The following ACBD5 variants were observed in gnomAD, a reference collection of about 807,000 sequenced individuals.
ACBD5 encodes the protein acyl-CoA binding domain containing 5.
A neutral mutation model predicts 71.8 loss-of-function variants in ACBD5; 40 were observed. That is an observed-to-expected ratio of 0.56 (90% CI 0.43 to 0.72). The LOEUF is 0.72. ACBD5 is among the 30% of genes least tolerant of loss of function. ACBD5 has a pLI of 0.00. For missense variants in ACBD5, 559 were observed against 644.5 expected, an observed-to-expected ratio of 0.87 and a Z score of 1.44; for synonymous variants, 229 against 218.6, an observed-to-expected ratio of 1.05 and a Z score of -0.42.
chr10:27,191,560 T>C (rs974924340), downstream of ACBD5, among the ~76,000 whole-genome samples: 11 of 152,128 alleles, frequency 7.2e-5, no homozygotes, highest in African/African-American at 2.7e-4. Context: ...TACTTTCCAC[T>C]TGATATTGTT....
At chr10:27,222,410 T>TAAA (rs11322768) in intron 5 of ACBD5, among the ~76,000 whole-genome samples, 2 of 140,402 alleles carry the variant, frequency 1.4e-5, no homozygotes, top group African/African-American at 2.6e-5. Context: ...GACAAAATTC[T>TAAA]AAAAAAAAAA....
chr10:27,203,027 G>T (rs910316909), intron 12 of ACBD5, among the ~76,000 whole-genome samples: 1 of 140,712 alleles, frequency 7.1e-6, no homozygotes, highest in Non-Finnish European at 1.5e-5. Context: ...GGGCTGGAGT[G>T]TAGTGGCATG....
In ACBD5 at chr10:27,195,751, A is replaced by G; in HGVS notation, c.*1679T>C. 2.4e-6 allele frequency: 1 copy of G among 415,770 alleles called. No individual in the cohort carries two copies. The highest frequency in any genetic ancestry group is 8.2e-4 in the Middle Eastern group (1 of 1,220). 25.8% of individuals were successfully genotyped at this position (415,770 alleles called of 1,614,324 possible). A position where few individuals can be genotyped will look rare whatever the true frequency, so the allele number is the denominator to read the frequency against. Reference sequence around the variant, plus strand: ...AATTAAAGTTATTTGAAAGAAAAAAATAAGGAAAAAGAGTTTGGGAAAAGT... The same window carrying G: ...AATTAAAGTTATTTGAAAGAAAAAAGTAAGGAAAAAGAGTTTGGGAAAAGT... On this transcript the variant is annotated 3_prime_UTR_variant, in exon 13 of 13. Transcript: ENST00000396271.
chr10:27,190,632 C>T (rs1373641300), downstream of ACBD5, among the ~76,000 whole-genome samples: 1 of 56,128 alleles, frequency 1.8e-5, no homozygotes, highest in East Asian at 5.6e-4. Flanking sequence ...TGCTGAGAGT[C>T]CAGAATATAG....
At position 27,185,618 on chromosome 10, in the gene ACBD5, CAAAAAA is replaced by C. The variant is rs34847161; in HGVS notation, c.1494-2909_1494-2904del. 4.2e-3 allele frequency among the ~76,000 whole-genome samples: 409 copies of C among 98,554 alleles called. 3 individuals carry two copies. The highest frequency in any genetic ancestry group is 6.4e-3 in the East Asian group (21 of 3,298). The allele number at this position is 98,554 out of a possible 152,430, so 64.7% of individuals were successfully genotyped here. A position where few individuals can be genotyped will look rare whatever the true frequency, so the allele number is the denominator to read the frequency against. The stretch of plus-strand genomic sequence containing the variant: ...ATTGCACTCCAGCCTAGGTGACAGA[CAAAAAA>C]AAAAAAAAAAAAAATTAGCCAGGCA... On this transcript the variant is annotated intron_variant, in intron 13 of 13. Transcript: ENST00000676511.
chr10:27,210,707 G>A (rs1365815359), intron 9 of ACBD5, 107 bp downstream of exon 9: 12 of 1,470,478 alleles, frequency 8.2e-6, no homozygotes, highest in African/African-American at 4.2e-5. Context: ...GCAGTGAGCC[G>A]AGATTGCACC....
At position 27,204,295 on chromosome 10, in the gene ACBD5, T is replaced by C. The variant is rs2136780914; in HGVS notation, c.1565+145A>G. ...CCACAAGATATCATTTCCAAGGCAG[T>C]TTCAGTCTCAGGATAAATATAGAAT... On this transcript the variant is annotated intron_variant, in intron 12 of 12. Coordinates refer to ENST00000396271, the MANE Select transcript of ACBD5 (RefSeq NM_145698.5). 5 of 667,202 alleles carry C rather than the reference T, an allele frequency of 7.5e-6. No individual in the cohort carries two copies. In the East Asian group the frequency reaches 1.4e-4, roughly 19 times the overall value. 41.3% of individuals were successfully genotyped at this position (667,202 alleles called of 1,614,324 possible). A position where few individuals can be genotyped will look rare whatever the true frequency, so the allele number is the denominator to read the frequency against.
intron 2 of ACBD5, among the ~76,000 whole-genome samples, chr10:27,237,629 T>A (rs1056581675): frequency 4.7e-5 from 7 of 150,212 alleles, no homozygotes; most frequent in Non-Finnish European, 8.9e-5. Flanking sequence ...ATCTTTTTTT[T>A]TTTTTTTTGA....
intron 6 of ACBD5, among the ~76,000 whole-genome samples, chr10:27,218,785 C>T (rs1279549819): frequency 2.0e-5 from 3 of 151,976 alleles, no homozygotes; most frequent in African/African-American, 7.2e-5. Flanking sequence ...GGGGTTTCAC[C>T]ATGTTGGTCA....
rs761540600 is a variant in ACBD5 at position 27,211,064 on chromosome 10, C to G, written c.954G>C (p.Thr318=). 5 of 1,613,914 alleles carry G rather than the reference C, an allele frequency of 3.1e-6. No homozygotes were observed. Among genetic ancestry groups the G allele is most frequent in the East Asian group, 2.2e-5 (1 of 44,882 alleles). ...FGQEESLDSF[T]SNNGPFQYYL... is the part of the protein sequence containing the mutation. ...AATACTGAAATGGTCCATTGTTGGA[C>G]GTAAAGCTGTCTAAAGACTACAAAT... Residue 318 remains threonine, a synonymous_variant, in exon 9 of 13, where the codon ACG becomes ACC. Coordinates refer to ENST00000396271, the MANE Select transcript of ACBD5 (RefSeq NM_145698.5).
chr10:27,186,544 A>C, intron 13 of ACBD5: 2 of 1,613,544 alleles, frequency 1.2e-6, no homozygotes, highest in Non-Finnish European at 1.7e-6. Flanking sequence ...TAGCACAAAA[A>C]TTTTCCTTTT....
At position 27,240,440 on chromosome 10, in the gene ACBD5, A is replaced by C. The variant is rs1414151049; in HGVS notation, c.60T>G (p.Ile20Met). The change falls in exon 2 of 13, where the codon ATT (isoleucine) becomes ATG (methionine). Residue 20 changes from isoleucine to methionine, a missense_variant. Ile to Met is a conservative substitution (Grantham distance 10, BLOSUM62 1). Coordinates refer to ENST00000396271, the MANE Select transcript of ACBD5 (RefSeq NM_145698.5). The surrounding 1 kb of genome is among the most constrained non-coding windows in gnomAD (Gnocchi z 4.1). ...CCCGGTCCCAAGGTCTGTCGGCGGG[A>C]ATCAGGCAGCAGCAGCACCAGCTTT... ...SWESWCCCCL[I>M]PADRPWDRGQ... 1 of 1,613,946 alleles carries C rather than the reference A, an allele frequency of 6.2e-7. No homozygotes were observed. The highest frequency in any genetic ancestry group is 8.5e-7 in the Non-Finnish European group (1 of 1,179,976).
intron 12 of ACBD5, among the ~76,000 whole-genome samples, chr10:27,201,091 A>G (rs2059881134): frequency 6.6e-6 from 1 of 152,168 alleles, no homozygotes; most frequent in Non-Finnish European, 1.5e-5. Flanking sequence ...TGAGCCCAGG[A>G]GTTTGAGGCT....
At chr10:27,211,592 T>A (rs984833283) in intron 8 of ACBD5, among the ~76,000 whole-genome samples, 22 of 152,192 alleles carry the variant, frequency 1.4e-4, no homozygotes, top group Non-Finnish European at 2.6e-4. Context: ...CTGCTGGGAT[T>A]ACAGGAGTGA....
At chr10:27,202,967 C>CTTT (rs2060077801) in intron 12 of ACBD5, among the ~76,000 whole-genome samples, 3 of 91,960 alleles carry the variant, frequency 3.3e-5, no homozygotes, top group African/African-American at 1.5e-4. Context: ...GGTCTATATC[C>CTTT]TCTTTTTTTT....
At chr10:27,226,418 T>A (rs1353502794) in intron 4 of ACBD5, among the ~76,000 whole-genome samples, 1 of 149,060 alleles carries the variant, frequency 6.7e-6, no homozygotes, top group African/African-American at 2.5e-5. Flanking sequence ...ATACAAGAAA[T>A]GGTGCACATG....
At chr10:27,217,136 A>G (rs1488549783) in intron 7 of ACBD5, among the ~76,000 whole-genome samples, 1 of 89,658 alleles carries the variant, frequency 1.1e-5, no homozygotes, top group Non-Finnish European at 2.0e-5. Context: ...ACAGAGCGAG[A>G]CTCTGTCTCA....
intron 2 of ACBD5, among the ~76,000 whole-genome samples, chr10:27,236,745 G>A (rs910897693): frequency 6.6e-6 from 1 of 151,798 alleles, no homozygotes; most frequent in African/African-American, 2.4e-5. Flanking sequence ...AAAATTAGCC[G>A]GGCATGACGG....
intron 8 of ACBD5, among the ~76,000 whole-genome samples, chr10:27,214,863 T>C (rs1368839758): frequency 6.6e-6 from 1 of 152,068 alleles, no homozygotes; most frequent in Non-Finnish European, 1.5e-5. Context: ...CTAGGCAACA[T>C]ATCAAGAACC....
Sources: allele counts gnomAD v4.1 joint callset (sites outside exome capture counted in the v4.1 genomes callset), GRCh38; gene constraint gnomAD v4.1.1; non-coding constraint Gnocchi (gnomAD v3.1); transcripts MANE v1.5; gene names NCBI Gene and HGNC (gene_info 2026-07-23, HGNC 2026-07-21).